INCENP: variants seen among roughly 807,000 people sequenced by gnomAD.
The protein encoded by INCENP is binds and activates aurora-B and -C in vivo and in vitro.
INCENP carries 43 observed loss-of-function variants against 107.3 expected under a neutral mutation model. The ratio of observed to expected loss-of-function variants is 0.40; its 90% confidence interval spans 0.31 to 0.52. The LOEUF (loss-of-function observed/expected upper bound fraction) is 0.52. INCENP is among the 20% of genes least tolerant of loss of function. The pLI, the probability that INCENP is intolerant of heterozygous loss-of-function variation, is 0.53. For synonymous variants in INCENP, 488 were observed against 494.4 expected, an observed-to-expected ratio of 0.99 and a Z score of 0.17; for missense variants, 1,089 against 1,250.9, an observed-to-expected ratio of 0.87 and a Z score of 1.95.
intron 4 of INCENP, among the ~76,000 whole-genome samples, chr11:62,132,993 T>C (rs992440082): frequency 6.6e-6 from 1 of 152,158 alleles, no homozygotes; most frequent in Non-Finnish European, 1.5e-5. Flanking sequence ...TACATCTTAT[T>C]TGAGAAAACT....
intron 11 of INCENP, among the ~76,000 whole-genome samples, chr11:62,143,191 C>CT (rs1478710415): frequency 0.011 from 1,016 of 90,770 alleles, no homozygotes; most frequent in Admixed American, 0.029. Context: ...GCTCCTCCCT[C>CT]GAATTTTGAC....
chr11:62,142,296 C>A (rs1944141955), intron 11 of INCENP, among the ~76,000 whole-genome samples: 1 of 152,244 alleles, frequency 6.6e-6, no homozygotes, highest in South Asian at 2.1e-4. Flanking sequence ...AGGGGCTTCC[C>A]AGCAGCTGGC....
intron 8 of INCENP, 76 bp from the exon 9 acceptor site, chr11:62,140,628 A>T: frequency 7.8e-7 from 1 of 1,279,174 alleles, no homozygotes; most frequent in Non-Finnish European, 1.1e-6. Flanking sequence ...GGTATTGTTC[A>T]CCGGGGTGAC....
At chr11:62,149,746 C>T (rs546399567) in intron 17 of INCENP, among the ~76,000 whole-genome samples, 1 of 152,142 alleles carries the variant, frequency 6.6e-6, no homozygotes, top group African/African-American at 2.4e-5. Context: ...CATAGTGAAA[C>T]CCAGTCTCTA....
At chr11:62,146,325 T>C (rs966892929) in intron 14 of INCENP, among the ~76,000 whole-genome samples, 1 of 152,190 alleles carries the variant, frequency 6.6e-6, no homozygotes, top group African/African-American at 2.4e-5. Context: ...AGCAACCCCA[T>C]GAAGTGTAGG....
chr11:62,143,902 T>C (rs1452113149), intron 11 of INCENP, among the ~76,000 whole-genome samples: 1 of 152,232 alleles, frequency 6.6e-6, no homozygotes, highest in Non-Finnish European at 1.5e-5. Flanking sequence ...AGGGAGGGCT[T>C]AGAGCCCCTG....
chr11:62,150,767 G>A (rs1325835998), intron 18 of INCENP, among the ~76,000 whole-genome samples: 3 of 152,226 alleles, frequency 2.0e-5, no homozygotes, highest in African/African-American at 7.2e-5. Flanking sequence ...AGGCCTGAGT[G>A]CAAGGCCAGC....
intron 11 of INCENP, among the ~76,000 whole-genome samples, chr11:62,142,885 G>A (rs187363617): frequency 5.9e-5 from 9 of 152,316 alleles, no homozygotes; most frequent in Admixed American, 2.6e-4. Flanking sequence ...CTGGGCGTTC[G>A]TCAATAACCT....
intron 11 of INCENP, 136 bp from the exon 12 acceptor site, chr11:62,144,846 A>G: frequency 1.2e-6 from 1 of 832,356 alleles, no homozygotes; most frequent in Non-Finnish European, 2.1e-6. Context: ...CACGTTGGGG[A>G]TACCTCTGCC....
chr11:62,141,442 G>A lies in INCENP; in HGVS notation c.1594-58G>A, dbSNP rs140220207. The A allele has an allele frequency of 6.5e-4, 1,046 of 1,612,264 alleles. 7 individuals carry two copies. The highest frequency in any genetic ancestry group is 5.1e-4 in the East Asian group (23 of 44,866). The stretch of plus-strand genomic sequence containing the variant: ...GCACAGCTGGGCATGTGGCCTGCCC[G>A]GCAGGATGCTCCCCGGCCTGGCATT... On this transcript the variant is annotated intron_variant, in intron 10 of 18. Coordinates refer to ENST00000394818, the MANE Select transcript of INCENP (RefSeq NM_001040694.2).
In INCENP at chr11:62,152,437, G is replaced by GT. The variant is rs538193634; in HGVS notation, c.*462dup. 4.1e-5 allele frequency: 7 copies of GT among 171,300 alleles called. 1 individual carries two copies. The South Asian group carries it at 1.1e-3, about 27-fold the overall frequency. 10.6% of individuals were successfully genotyped at this position (171,300 alleles called of 1,614,324 possible). A position where few individuals can be genotyped will look rare whatever the true frequency, so the allele number is the denominator to read the frequency against. ...AAGGTACTGTTCCATCACCTGCGGT[G>GT]TGCCTCAGGATCACCAGGTGCAGGC... On this transcript the variant is annotated 3_prime_UTR_variant, in exon 19 of 19. Coordinates refer to ENST00000394818, the MANE Select transcript of INCENP (RefSeq NM_001040694.2).
At chr11:62,150,029 G>A (rs1944339317) in intron 17 of INCENP, 28 bp from the exon 18 acceptor site, 1 of 1,610,596 alleles carries the variant, frequency 6.2e-7, no homozygotes, top group Admixed American at 1.7e-5. Flanking sequence ...GCCATGGAGG[G>A]AACTGACGGC....
chr11:62,142,973 G>C (rs1156602628), intron 11 of INCENP, among the ~76,000 whole-genome samples: 1 of 151,902 alleles, frequency 6.6e-6, no homozygotes, highest in African/African-American at 2.4e-5. Flanking sequence ...CAGTTACCTT[G>C]TTCTGCTTTG....
intron 1 of INCENP, among the ~76,000 whole-genome samples, chr11:62,124,558 A>G (rs140284306): frequency 2.6e-4 from 40 of 152,294 alleles, no homozygotes; most frequent in African/African-American, 9.1e-4. Context: ...CCCCCAGCTG[A>G]GCAGCATTTT....
At chr11:62,142,448 C>T (rs568452988) in intron 11 of INCENP, among the ~76,000 whole-genome samples, 24 of 152,344 alleles carry the variant, frequency 1.6e-4, no homozygotes, top group African/African-American at 5.5e-4. Context: ...TAGAGAAGAC[C>T]AGGAAGTGGT....
chr11:62,135,905 G>C (rs560349757), intron 4 of INCENP, among the ~76,000 whole-genome samples: 1 of 152,124 alleles, frequency 6.6e-6, no homozygotes, highest in African/African-American at 2.4e-5. Flanking sequence ...CGCCTCCCGG[G>C]TTCACGCCAT....
intron 5 of INCENP, 64 bp downstream of exon 5, chr11:62,137,947 C>A: frequency 7.0e-7 from 1 of 1,430,786 alleles, no homozygotes; most frequent in Non-Finnish European, 9.9e-7. Context: ...CCAAGGTGAG[C>A]ACCAGGGCTG....
At position 62,128,753 on chromosome 11, in the gene INCENP, C is replaced by T; in HGVS notation, c.141-17C>T. 6.3e-7 allele frequency: 1 copy of T among 1,582,186 alleles called. No individual in the cohort carries two copies. Among genetic ancestry groups the T allele is most frequent in the African/African-American group, 1.3e-5 (1 of 74,458 alleles). On this transcript the variant is annotated splice_polypyrimidine_tract_variant and intron_variant, in intron 2 of 18. Transcript: ENST00000394818. The stretch of plus-strand genomic sequence containing the variant: ...TTCCCAGGCAGCCTCGAGTGACACC[C>T]TCCTTGTGCCAAACAGAGAATTCAG...
intron 2 of INCENP, 93 bp downstream of exon 2, chr11:62,128,394 C>A: frequency 1.4e-6 from 2 of 1,426,862 alleles, no homozygotes; most frequent in East Asian, 2.3e-5. Flanking sequence ...CCCCGCCTAC[C>A]TGGCAAAACA....
Sources: gnomAD v4.1 joint callset for allele counts (sites outside exome capture counted in the v4.1 genomes callset) on GRCh38, gnomAD v4.1.1 for gene constraint, MANE v1.5 for transcripts, NCBI Gene and HGNC (gene_info 2026-07-23, HGNC 2026-07-21) for gene names.